Variants in CSMD1 observed in about 807,000 individuals in gnomAD.
CSMD1 encodes the protein CUB and sushi domain-containing protein 1.
A neutral mutation model predicts 417.5 loss-of-function variants in CSMD1; 213 were observed. That is an observed-to-expected ratio of 0.51 (90% CI 0.46 to 0.57). The LOEUF (loss-of-function observed/expected upper bound fraction) is 0.57, where lower values mean the gene tolerates loss of function less well. CSMD1 is among the 20% of genes least tolerant of loss of function. The probability of loss-of-function intolerance (pLI) is 0.00; values close to 1 mark genes in which losing one functional copy is unlikely to be tolerated. For missense variants in CSMD1, 6,923 were observed against 4,529.7 expected, an observed-to-expected ratio of 1.53 and a Z score of -15.17; for synonymous variants, 2,862 against 1,736.8, an observed-to-expected ratio of 1.65 and a Z score of -16.11.
intron 2 of CSMD1, among the ~76,000 whole-genome samples, chr8:4,462,785 G>T (rs1187445140): frequency 6.7e-6 from 1 of 150,090 alleles, no homozygotes. Flanking sequence ...ATCCACAAGA[G>T]GGTACCCCTT....
chr8:4,019,080 G>C (rs996578437), intron 4 of CSMD1, among the ~76,000 whole-genome samples: 22 of 152,180 alleles, frequency 1.4e-4, no homozygotes, highest in African/African-American at 5.1e-4. Flanking sequence ...GCTAGAAATT[G>C]TCTATATCTG....
At chr8:3,011,922 C>T (rs1176221152) in intron 52 of CSMD1, among the ~76,000 whole-genome samples, 1 of 152,196 alleles carries the variant, frequency 6.6e-6, no homozygotes, top group Admixed American at 6.5e-5. Context: ...ATGTAGATCA[C>T]AAACTTCCTG....
In CSMD1 at chr8:4,141,105, T is replaced by C. The variant is rs539068803; in HGVS notation, c.416-109006A>G. Among the ~76,000 whole-genome samples the C allele has an allele frequency of 5.7e-4, 87 of 151,350 alleles. 9 individuals carry two copies. The highest frequency in any genetic ancestry group is 2.0e-3 in the African/African-American group (83 of 40,638). ...ACAAACTTCCCATTTTCAGATCTCATAGGTCTCACTTACCTATGTTTCCTC... is the reference window on the plus strand; with the variant it reads ...ACAAACTTCCCATTTTCAGATCTCACAGGTCTCACTTACCTATGTTTCCTC... On this transcript the variant is annotated intron_variant, in intron 3 of 69. Coordinates refer to ENST00000635120, the MANE Select transcript of CSMD1 (RefSeq NM_033225.6).
intron 11 of CSMD1, among the ~76,000 whole-genome samples, chr8:3,469,566 T>A (rs946711986): frequency 6.6e-6 from 1 of 152,162 alleles, no homozygotes; most frequent in Non-Finnish European, 1.5e-5. Flanking sequence ...GAACTCAACA[T>A]GCTGACAGAA....
At chr8:4,456,497 G>A (rs187638283) in intron 2 of CSMD1, among the ~76,000 whole-genome samples, 1 of 152,160 alleles carries the variant, frequency 6.6e-6, no homozygotes, top group South Asian at 2.1e-4. Flanking sequence ...TTGGAAAATT[G>A]TAGGTTCTAA....
intron 3 of CSMD1, among the ~76,000 whole-genome samples, chr8:4,339,707 A>G (rs889496993): frequency 5.9e-5 from 9 of 152,100 alleles, no homozygotes; most frequent in Non-Finnish European, 1.3e-4. Flanking sequence ...GTGAGTGAGA[A>G]GAAAATGAAA....
rs75831820 is a variant in CSMD1 at position 3,023,051 on chromosome 8, G to A, written c.7856-4401C>T. On this transcript the variant is annotated intron_variant, in intron 51 of 69. Coordinates refer to ENST00000635120, the MANE Select transcript of CSMD1 (RefSeq NM_033225.6). Reference sequence around the variant, plus strand: ...AGAAAATTCAACTGCAGGTAGTCCTGAGTGATGTCCAATGTCCACTCCAGC... The same window carrying A: ...AGAAAATTCAACTGCAGGTAGTCCTAAGTGATGTCCAATGTCCACTCCAGC... Among the ~76,000 whole-genome samples the A allele has an allele frequency of 3.0e-3, 454 of 152,354 alleles. 1 individual carries two copies. Among genetic ancestry groups the A allele is most frequent in the African/African-American group, 0.011 (442 of 41,584 alleles).
At position 4,174,913 on chromosome 8, in the gene CSMD1, C is replaced by T. The variant is rs1036491384; in HGVS notation, c.416-142814G>A. On this transcript the variant is annotated intron_variant, in intron 3 of 69. Transcript: ENST00000635120. The stretch of plus-strand genomic sequence containing the variant: ...TCTCAGCCACACTCTGACATCTTTG[C>T]AGAACTGATGTCAACTCCTTAATTT... Among the ~76,000 whole-genome samples, 17 of 150,564 alleles carry T rather than the reference C, an allele frequency of 1.1e-4. 1 individual carries two copies. The highest frequency in any genetic ancestry group is 3.7e-4 in the African/African-American group (15 of 40,672).
intron 6 of CSMD1, among the ~76,000 whole-genome samples, chr8:3,753,245 C>T (rs1206948401): frequency 2.6e-5 from 4 of 152,090 alleles, no homozygotes; most frequent in Non-Finnish European, 5.9e-5. Flanking sequence ...ATTTGGAAAT[C>T]GAAGTGGAAT....
chr8:4,089,123 G>C (rs949470674), intron 3 of CSMD1, among the ~76,000 whole-genome samples: 2 of 152,136 alleles, frequency 1.3e-5, no homozygotes, highest in Admixed American at 1.3e-4. Flanking sequence ...TCCTCTCAGG[G>C]ATTCCAGTGC....
intron 19 of CSMD1, among the ~76,000 whole-genome samples, chr8:3,368,431 G>T (rs559109033): frequency 3.9e-5 from 6 of 152,088 alleles, no homozygotes; most frequent in Non-Finnish European, 8.8e-5. Context: ...CCGCCTCCTG[G>T]GTTCAAGCCA....
intron 1 of CSMD1, among the ~76,000 whole-genome samples, chr8:4,930,787 C>A (rs1290217645): frequency 1.3e-5 from 2 of 152,134 alleles, no homozygotes; most frequent in Non-Finnish European, 2.9e-5. Flanking sequence ...TTAAGGAAAG[C>A]AATTTCAGCT....
At chr8:4,125,485 G>A (rs958182581) in intron 3 of CSMD1, among the ~76,000 whole-genome samples, 9 of 152,268 alleles carry the variant, frequency 5.9e-5, no homozygotes, top group African/African-American at 1.7e-4. Context: ...GCTGCGCCCC[G>A]GCCGCACTGG....
At chr8:4,453,472 G>T (rs903838302) in intron 2 of CSMD1, among the ~76,000 whole-genome samples, 2 of 152,188 alleles carry the variant, frequency 1.3e-5, no homozygotes, top group African/African-American at 4.8e-5. Context: ...GTGATGCGAA[G>T]TCTGGCTGAA....
intron 1 of CSMD1, among the ~76,000 whole-genome samples, chr8:4,809,112 A>T (rs989318689): frequency 6.6e-6 from 1 of 152,200 alleles, no homozygotes; most frequent in Non-Finnish European, 1.5e-5. Flanking sequence ...GGACCTTATT[A>T]CCAATAAAAG....
At chr8:3,426,170 A>T (rs1000209002) in intron 12 of CSMD1, among the ~76,000 whole-genome samples, 4 of 152,230 alleles carry the variant, frequency 2.6e-5, no homozygotes, top group Admixed American at 6.5e-5. Context: ...CAATAACAGT[A>T]GATACAAAAG....
chr8:3,250,054 TTTTG>T (rs1173646614), intron 26 of CSMD1, among the ~76,000 whole-genome samples: 1 of 152,194 alleles, frequency 6.6e-6, no homozygotes, highest in African/African-American at 2.4e-5. Context: ...AAGTACATAT[TTTTG>T]TTTATTTATT....
intron 4 of CSMD1, among the ~76,000 whole-genome samples, chr8:4,010,711 C>G (rs1161690592): frequency 6.6e-6 from 1 of 152,132 alleles, no homozygotes; most frequent in South Asian, 2.1e-4. Flanking sequence ...TTTTCCTTGT[C>G]CCTATCATGT....
intron 3 of CSMD1, among the ~76,000 whole-genome samples, chr8:4,134,768 A>G (rs1803315894): frequency 6.6e-6 from 1 of 152,186 alleles, no homozygotes; most frequent in Non-Finnish European, 1.5e-5. Context: ...ACCCCTTCTG[A>G]GCCATTCTCA....
Sources: gnomAD v4.1 joint callset for allele counts (sites outside exome capture counted in the v4.1 genomes callset) on GRCh38, gnomAD v4.1.1 for gene constraint, MANE v1.5 for transcripts, NCBI Gene and HGNC (gene_info 2026-07-23, HGNC 2026-07-21) for gene names.